Variants in NFIB observed in about 807,000 individuals in gnomAD.
NFIB encodes nuclear factor 1 B-type.
Under a neutral mutation model 61.5 loss-of-function variants are expected in NFIB, and 11 were observed. The observed-to-expected ratio is 0.18, with a 90% CI of 0.11 to 0.30. The LOEUF is 0.30. Ranked by LOEUF, NFIB falls within the 10% of genes least tolerant of loss-of-function variation. NFIB has a pLI of 1.00. For synonymous variants in NFIB, 260 were observed against 216.5 expected (o/e 1.20, Z -1.76); for missense variants, 471 against 608.9 (o/e 0.77, Z 2.38).
intron 1 of NFIB, among the ~76,000 whole-genome samples, chr9:14,328,475 A>G (rs987997719): frequency 6.6e-6 from 1 of 151,956 alleles, no homozygotes; most frequent in Non-Finnish European, 1.5e-5. Flanking sequence ...ATATATATAT[A>G]TTTTAACCAT....
At chr9:14,140,922 G>C (rs1487627569) in intron 6 of NFIB, among the ~76,000 whole-genome samples, 1 of 152,130 alleles carries the variant, frequency 6.6e-6, no homozygotes, top group African/African-American at 2.4e-5. Flanking sequence ...GCAACAGACA[G>C]AGAAAAAACA....
intron 6 of NFIB, among the ~76,000 whole-genome samples, chr9:14,129,301 G>A (rs2040094814): frequency 1.3e-5 from 2 of 151,200 alleles, no homozygotes. Flanking sequence ...ATTAATTCTT[G>A]GCCCATTAAT....
the NFIB span, among the ~76,000 whole-genome samples, chr9:14,494,770 T>C: frequency 3.3e-5 from 5 of 152,160 alleles, no homozygotes; most frequent in African/African-American, 9.7e-5. Flanking sequence ...CTCCCCTTGC[T>C]TCTCCTGCAT....
At chr9:14,416,892 CTTTTTTTT>C in the NFIB span, among the ~76,000 whole-genome samples, 1 of 126,938 alleles carries the variant, frequency 7.9e-6, no homozygotes, top group Non-Finnish European at 1.6e-5. Context: ...ACTATTTTTA[CTTTTTTTT>C]TTTTTTTTTT....
rs75181668 is a variant in NFIB at position 14,275,775 on chromosome 9, G to A, written c.562+31214C>T. Among the ~76,000 whole-genome samples the A allele has an allele frequency of 3.6e-3, 548 of 151,930 alleles. 2 individuals are homozygous for A. Among genetic ancestry groups the A allele is most frequent in the African/African-American group, 0.013 (525 of 41,422 alleles). The stretch of plus-strand genomic sequence containing the variant: ...AATGGCACTAAAAATAGATAAATAC[G>A]GCAGTAAGAACTAAGTCCCTCCTCC... On this transcript the variant is annotated intron_variant, in intron 2 of 10. Transcript: ENST00000380953.
chr9:14,486,929 G>T, the NFIB span, among the ~76,000 whole-genome samples: 2 of 152,088 alleles, frequency 1.3e-5, no homozygotes, highest in African/African-American at 2.4e-5. Context: ...CTTACATAGG[G>T]GATGAAGGCA....
chr9:14,452,903 G>A, the NFIB span, among the ~76,000 whole-genome samples: 3 of 152,222 alleles, frequency 2.0e-5, no homozygotes, highest in African/African-American at 7.2e-5. Flanking sequence ...TTAAATAAAA[G>A]CAGGAACAAT....
intron 1 of NFIB, chr9:14,361,774 C>T (rs1329936721): frequency 6.6e-6 from 1 of 152,132 alleles, no homozygotes; most frequent in East Asian, 1.9e-4. Flanking sequence ...CTGTAATAGC[C>T]TAAAATAAAA....
At chr9:14,417,389 A>G in the NFIB span, among the ~76,000 whole-genome samples, 1 of 152,222 alleles carries the variant, frequency 6.6e-6, no homozygotes, top group Non-Finnish European at 1.5e-5. Flanking sequence ...GGTTTGTGTA[A>G]GCACACTGTA....
chr9:14,140,397 G>A (rs554693798), intron 6 of NFIB, among the ~76,000 whole-genome samples: 1 of 152,044 alleles, frequency 6.6e-6, no homozygotes, highest in Non-Finnish European at 1.5e-5. Flanking sequence ...TTTGGGCCTA[G>A]GATTAATGCT....
intron 2 of NFIB, among the ~76,000 whole-genome samples, chr9:14,192,969 T>C (rs1040743302): frequency 1.3e-5 from 2 of 152,008 alleles, no homozygotes; most frequent in Non-Finnish European, 2.9e-5. Flanking sequence ...TAGACAAATA[T>C]AATAACTTTT....
chr9:14,359,540 A>C (rs1463737983), intron 1 of NFIB, among the ~76,000 whole-genome samples: 1 of 152,196 alleles, frequency 6.6e-6, no homozygotes, highest in Non-Finnish European at 1.5e-5. Context: ...CCCTGCTGAC[A>C]CCTTGACTTT....
At position 14,307,271 on chromosome 9, in the gene NFIB, G is replaced by C; in HGVS notation, c.280C>G (p.Leu94Val). 2 of 1,614,000 alleles carry C rather than the reference G, an allele frequency of 1.2e-6. No homozygotes were observed. The highest frequency in any genetic ancestry group is 1.7e-6 in the Non-Finnish European group (2 of 1,180,008). The change falls in exon 2 of 11, where the codon CTC becomes GTC. Residue 94 changes from leucine (L) to valine (V), a missense_variant. Leu to Val is a conservative substitution (Grantham distance 32). Coordinates refer to ENST00000380953, the MANE Select transcript of NFIB (RefSeq NM_001190737.2). The surrounding 1 kb of genome is among the most constrained non-coding windows in gnomAD (Gnocchi z 5.3). ...GGGTGCTTCTTGCCAGTCACGGTGAGCACAAAGTCCTCTCGATACTCCTGG... is the reference window on the plus strand; with the variant it reads ...GGGTGCTTCTTGCCAGTCACGGTGACCACAAAGTCCTCTCGATACTCCTGG... The part of the protein sequence containing the change: ...IRQEYREDFV[L>V]TVTGKKHPCC...
At chr9:14,356,090 A>T (rs538025618) in intron 1 of NFIB, among the ~76,000 whole-genome samples, 1 of 152,222 alleles carries the variant, frequency 6.6e-6, no homozygotes, top group Admixed American at 6.5e-5. Context: ...CAACTAGTAC[A>T]CGTTTTAAAT....
intron 1 of NFIB, among the ~76,000 whole-genome samples, chr9:14,375,619 C>T (rs2061409913): frequency 6.6e-6 from 1 of 151,968 alleles, no homozygotes; most frequent in African/African-American, 2.4e-5. Context: ...GATTGCACCA[C>T]TGCACTCTAG....
chr9:14,305,016 A>G (rs1383189450), intron 2 of NFIB, among the ~76,000 whole-genome samples: 1 of 152,240 alleles, frequency 6.6e-6, no homozygotes, highest in Admixed American at 6.5e-5. Flanking sequence ...AGTTCTTACA[A>G]TAGAGATTGT....
the NFIB span, among the ~76,000 whole-genome samples, chr9:14,504,959 G>A: frequency 6.6e-6 from 1 of 152,132 alleles, no homozygotes; most frequent in Non-Finnish European, 1.5e-5. Flanking sequence ...TACAATTTTG[G>A]CTGTGGGTTT....
chr9:14,146,947 G>A (rs2042335431), intron 5 of NFIB, 140 bp from the exon 6 acceptor site: 9 of 1,128,844 alleles, frequency 8.0e-6, no homozygotes, highest in Middle Eastern at 3.0e-4. Flanking sequence ...GGTGAGTATT[G>A]AAGATATCAA....
chr9:14,116,162 T>G (rs1331015492), intron 9 of NFIB, 46 bp downstream of exon 9: 4 of 1,437,350 alleles, frequency 2.8e-6, no homozygotes, highest in Non-Finnish European at 3.7e-6. Context: ...CATTTCTCAT[T>G]TCCTATGGAA....
Sources: gnomAD v4.1 joint callset for allele counts (sites outside exome capture counted in the v4.1 genomes callset) on GRCh38, gnomAD v4.1.1 for gene constraint, Gnocchi (gnomAD v3.1) non-coding constraint, MANE v1.5 for transcripts, NCBI Gene and HGNC (gene_info 2026-07-23, HGNC 2026-07-21) for gene names.